The following CTNNA3 variants were observed in gnomAD, a reference collection of about 807,000 sequenced individuals.
CTNNA3 encodes the protein catenin alpha-3.
CTNNA3 carries 76 observed loss-of-function variants against 95.7 expected under a neutral mutation model. That is an observed-to-expected ratio of 0.79 (90% confidence interval 0.66 to 0.96). CTNNA3 has a LOEUF of 0.96. CTNNA3 is among the 40% of genes least tolerant of loss of function. CTNNA3 has a pLI of 0.00. For missense variants in CTNNA3, 1,191 were observed against 1,089.8 expected (o/e 1.09, Z -1.31); for synonymous variants, 431 against 374.4 (o/e 1.15, Z -1.74).
At chr10:66,633,144 T>C (rs1845204406) in intron 9 of CTNNA3, among the ~76,000 whole-genome samples, 1 of 152,174 alleles carries the variant, frequency 6.6e-6, no homozygotes, top group Non-Finnish European at 1.5e-5. Flanking sequence ...TTCAGAACTG[T>C]AGCAATTCAA....
intron 11 of CTNNA3, among the ~76,000 whole-genome samples, chr10:66,430,401 A>G (rs2093283741): frequency 6.6e-6 from 1 of 152,192 alleles, no homozygotes; most frequent in Non-Finnish European, 1.5e-5. Flanking sequence ...GGAAAAAGCT[A>G]CTTTAAAGTT....
chr10:66,786,918 C>G (rs1258306269), intron 7 of CTNNA3, among the ~76,000 whole-genome samples: 1 of 152,172 alleles, frequency 6.6e-6, no homozygotes, highest in East Asian at 1.9e-4. Context: ...AAGTCCAACT[C>G]TACAGCGCTG....
At chr10:67,039,953 T>G (rs1854292830) in intron 7 of CTNNA3, among the ~76,000 whole-genome samples, 1 of 152,156 alleles carries the variant, frequency 6.6e-6, no homozygotes, top group Admixed American at 6.5e-5. Context: ...ATAAAGCATA[T>G]TAGCTGTCTG....
intron 5 of CTNNA3, among the ~76,000 whole-genome samples, chr10:67,407,898 T>C (rs1845201092): frequency 6.6e-6 from 1 of 151,890 alleles, no homozygotes; most frequent in Admixed American, 6.6e-5. Context: ...TACAAACCAC[T>C]GCTCAAAGAA....
chr10:66,894,689 A>T (rs2132503939), intron 7 of CTNNA3, among the ~76,000 whole-genome samples: 1 of 152,146 alleles, frequency 6.6e-6, no homozygotes, highest in African/African-American at 2.4e-5. Flanking sequence ...TAATTAAGAC[A>T]TTTGCAATTA....
At chr10:65,947,090 GT>G (rs57602080) in intron 17 of CTNNA3, among the ~76,000 whole-genome samples, 65,909 of 143,510 alleles carry the variant, frequency 0.46, 14,676 homozygotes, top group East Asian at 0.61. Flanking sequence ...TCTTTTGTTT[GT>G]TTTTTTTTTT....
chr10:67,151,488 A>C (rs1861088781), intron 7 of CTNNA3, among the ~76,000 whole-genome samples: 1 of 152,250 alleles, frequency 6.6e-6, no homozygotes, highest in South Asian at 2.1e-4. Context: ...CAAGACATCA[A>C]GTCAGATAAT....
intron 14 of CTNNA3, chr10:66,098,910 T>C (rs1401985552): frequency 6.6e-6 from 1 of 152,242 alleles, no homozygotes; most frequent in Non-Finnish European, 1.5e-5. Context: ...GGTCTTTTAA[T>C]ATTTTGTTCT....
At chr10:66,443,584 C>A (rs2093392248) in intron 11 of CTNNA3, among the ~76,000 whole-genome samples, 1 of 152,156 alleles carries the variant, frequency 6.6e-6, no homozygotes, top group Admixed American at 6.5e-5. Context: ...GGACCTCTAG[C>A]AAACTCCAAC....
At chr10:66,020,178 T>A (rs1018948235) in intron 15 of CTNNA3, among the ~76,000 whole-genome samples, 2 of 152,158 alleles carry the variant, frequency 1.3e-5, no homozygotes, top group Non-Finnish European at 2.9e-5. Flanking sequence ...TTTTAAAGCT[T>A]ATAAGATCAA....
At chr10:67,144,236 A>G (rs1860734642) in intron 7 of CTNNA3, among the ~76,000 whole-genome samples, 1 of 152,226 alleles carries the variant, frequency 6.6e-6, no homozygotes, top group African/African-American at 2.4e-5. Flanking sequence ...ACACGCTGCC[A>G]TCTAGGCTTT....
intron 13 of CTNNA3, among the ~76,000 whole-genome samples, chr10:66,173,736 G>A (rs1589634748): frequency 6.6e-6 from 1 of 151,998 alleles, no homozygotes; most frequent in African/African-American, 2.4e-5. Context: ...ATGTGGTAAT[G>A]GGAGGGCTAA....
chr10:66,549,241 G>A (rs1289983425), intron 10 of CTNNA3, among the ~76,000 whole-genome samples: 1 of 151,730 alleles, frequency 6.6e-6, no homozygotes, highest in Non-Finnish European at 1.5e-5. Flanking sequence ...TGATCTGCCC[G>A]CCTCTGTCTC....
At chr10:66,717,967 T>C (rs1433063479) in intron 9 of CTNNA3, among the ~76,000 whole-genome samples, 2 of 152,080 alleles carry the variant, frequency 1.3e-5, no homozygotes, top group African/African-American at 4.8e-5. Flanking sequence ...ACAGTGAAAA[T>C]TGTAATCAGC....
intron 9 of CTNNA3, among the ~76,000 whole-genome samples, chr10:66,653,385 G>A (rs1053261525): frequency 2.8e-5 from 3 of 107,780 alleles, no homozygotes; most frequent in African/African-American, 4.0e-5. Context: ...AATAAAATAC[G>A]CAGAAATAAA....
rs59814975 is a variant in CTNNA3, at chr10:66,650,983, C to T, written c.1282-29199G>A. Among the ~76,000 whole-genome samples, 979 of 152,294 alleles carry T rather than the reference C, an allele frequency of 6.4e-3. 9 individuals carry two copies. The highest frequency in any genetic ancestry group is 0.023 in the African/African-American group (955 of 41,552). On this transcript the variant is annotated intron_variant, in intron 9 of 17. Coordinates refer to ENST00000433211, the MANE Select transcript of CTNNA3 (RefSeq NM_013266.4). Reference sequence around the variant, plus strand: ...TTATTCCCTTATCTGACCCCACCCACATCCTGTTGATTGGCCCATTTTACA... The same window carrying T: ...TTATTCCCTTATCTGACCCCACCCATATCCTGTTGATTGGCCCATTTTACA...
At chr10:66,405,340 G>A (rs2093048930) in intron 11 of CTNNA3, among the ~76,000 whole-genome samples, 1 of 152,044 alleles carries the variant, frequency 6.6e-6, no homozygotes, top group East Asian at 1.9e-4. Flanking sequence ...AACATAATGT[G>A]TTCTCAATAA....
intron 5 of CTNNA3, among the ~76,000 whole-genome samples, chr10:67,222,573 T>C (rs547762810): frequency 7.2e-5 from 11 of 152,370 alleles, no homozygotes; most frequent in Middle Eastern, 3.4e-3. Context: ...TCTGTACTGA[T>C]AATCTTAGTG....
At chr10:66,105,265 A>G (rs1412767951) in intron 13 of CTNNA3, among the ~76,000 whole-genome samples, 1 of 152,218 alleles carries the variant, frequency 6.6e-6, no homozygotes, top group Non-Finnish European at 1.5e-5. Context: ...TAATTTCTAT[A>G]CAATCATATA....
Sources: allele counts gnomAD v4.1 joint callset (sites outside exome capture counted in the v4.1 genomes callset), GRCh38; gene constraint gnomAD v4.1.1; transcripts MANE v1.5; gene names NCBI Gene and HGNC (gene_info 2026-07-23, HGNC 2026-07-21).